Variants in VMP1 observed in about 807,000 individuals in gnomAD.
VMP1 encodes the protein vacuole membrane protein 1, also known as ectopic P-granules autophagy protein 3 homolog.
In VMP1, 11 loss-of-function variants were observed where a neutral mutation model predicts 56.0. That is an observed-to-expected ratio of 0.20 (90% CI 0.12 to 0.32). The LOEUF is 0.32. Ranked by LOEUF, VMP1 falls within the 10% of genes least tolerant of loss-of-function variation. The probability of loss-of-function intolerance (pLI) is 1.00; values close to 1 mark genes in which losing one functional copy is unlikely to be tolerated. For synonymous variants in VMP1, 149 were observed against 165.0 expected, an observed-to-expected ratio of 0.90 and a Z score of 0.74; for missense variants, 296 against 490.3, an observed-to-expected ratio of 0.60 and a Z score of 3.74.
chr17:59,719,092 A>G (rs1482502746), intron 1 of VMP1, among the ~76,000 whole-genome samples: 1 of 152,204 alleles, frequency 6.6e-6, no homozygotes, highest in Non-Finnish European at 1.5e-5. Context: ...TTGTCAAGAT[A>G]TATTACTCAG....
At chr17:59,827,810 T>C (rs1031608515) in intron 10 of VMP1, among the ~76,000 whole-genome samples, 18 of 151,982 alleles carry the variant, frequency 1.2e-4, no homozygotes, top group Admixed American at 6.6e-4. Context: ...AATTAGCTAC[T>C]GTGGCCCCAG....
At chr17:59,758,364 T>C (rs1051952106) in intron 5 of VMP1, among the ~76,000 whole-genome samples, 1 of 152,208 alleles carries the variant, frequency 6.6e-6, no homozygotes, top group African/African-American at 2.4e-5. Context: ...AGTTGTTCTA[T>C]CAATTAATGA....
intron 7 of VMP1, among the ~76,000 whole-genome samples, chr17:59,806,715 CAAAAA>C (rs5821281): frequency 8.3e-6 from 1 of 120,780 alleles, no homozygotes; most frequent in Non-Finnish European, 1.7e-5. Context: ...AAGTTTGTCT[CAAAAA>C]AAAAAAAAAA....
chr17:59,709,216 C>T (rs1465080263), intron 1 of VMP1, among the ~76,000 whole-genome samples: 1 of 152,152 alleles, frequency 6.6e-6, no homozygotes, highest in African/African-American at 2.4e-5. Flanking sequence ...GTTTAACATT[C>T]GGTAAATTTG....
Position 59,749,719 on chromosome 17 carries a change from C to T in VMP1, c.414+10772C>T, listed in dbSNP as rs955466835. 2.6e-5 allele frequency among the ~76,000 whole-genome samples: 4 copies of T among 152,066 alleles called. No individual in the cohort carries two copies. The East Asian group carries it at 5.8e-4, about 22-fold the overall frequency. On this transcript the variant is annotated intron_variant, in intron 5 of 11. Coordinates refer to ENST00000262291, the MANE Select transcript of VMP1 (RefSeq NM_030938.5). The stretch of plus-strand genomic sequence containing the variant: ...AGAGACGGGGTTTCACCATGTTGGC[C>T]AGGCTGGTCTCGAATTCTGACCTCA...
chr17:59,748,212 A>C (rs968453751), intron 5 of VMP1, among the ~76,000 whole-genome samples: 10 of 151,222 alleles, frequency 6.6e-5, no homozygotes, highest in African/African-American at 2.2e-4. Context: ...AAAAAAAAAA[A>C]AAAAACCTTT....
In VMP1 at chr17:59,838,301, C is replaced by A. The variant is rs371609859; in HGVS notation, c.981C>A (p.Val327=). The A allele has an allele frequency of 8.7e-6, 14 of 1,613,712 alleles. No homozygotes were observed. The Admixed American group carries it at 2.2e-4, about 25-fold the overall frequency. The change falls in exon 11 of 12, where the codon GTC becomes GTA. Residue 327 remains valine (V), a synonymous_variant. Transcript: ENST00000262291. ...TACTGTACCCTGCTTCCAGTGCTGT[C>A]CCCGGCATAGGTCCATCTCTGCAGA... ...VEQMVAFIGA[V]PGIGPSLQKP...
intron 1 of VMP1, among the ~76,000 whole-genome samples, chr17:59,718,303 TCTC>T (rs1349965356): frequency 1.3e-5 from 2 of 148,194 alleles, no homozygotes; most frequent in African/African-American, 2.5e-5. Context: ...TTCACGCCAT[TCTC>T]CTGCCTCAGC....
At chr17:59,766,941 G>T (rs537757482) in intron 6 of VMP1, among the ~76,000 whole-genome samples, 1 of 151,952 alleles carries the variant, frequency 6.6e-6, no homozygotes, top group East Asian at 1.9e-4. Flanking sequence ...CACCACGCTC[G>T]GCTGATTTTT....
chr17:59,765,632 AATT>A (rs1271013285), intron 6 of VMP1, among the ~76,000 whole-genome samples: 2 of 152,220 alleles, frequency 1.3e-5, no homozygotes, highest in African/African-American at 4.8e-5. Flanking sequence ...ATTTATTATT[AATT>A]AAGTGGAAAC....
intron 6 of VMP1, among the ~76,000 whole-genome samples, chr17:59,766,375 A>G (rs2036232001): frequency 6.6e-6 from 1 of 152,052 alleles, no homozygotes; most frequent in African/African-American, 2.4e-5. Flanking sequence ...GTGGTGGCGC[A>G]TACCTGTCAT....
At chr17:59,717,080 C>T (rs1308153120) in intron 1 of VMP1, among the ~76,000 whole-genome samples, 2 of 151,916 alleles carry the variant, frequency 1.3e-5, no homozygotes, top group Admixed American at 6.6e-5. Context: ...CCCGGGTTCA[C>T]GCCATTCTCC....
chr17:59,788,675 CGG>C (rs1469439803), intron 7 of VMP1, among the ~76,000 whole-genome samples: 1 of 151,030 alleles, frequency 6.6e-6, no homozygotes, highest in Non-Finnish European at 1.5e-5. Context: ...GGTGTGCTGG[CGG>C]GTGCTTCTAG....
chr17:59,720,775 A>G (rs569970158), intron 1 of VMP1, among the ~76,000 whole-genome samples: 2 of 151,674 alleles, frequency 1.3e-5, no homozygotes, highest in African/African-American at 2.4e-5. Context: ...GGAGTTCCAG[A>G]CCACCCTGAC....
rs966653192 is a variant in VMP1, at chr17:59,789,943, G to A, written c.714+16058G>A. Among the ~76,000 whole-genome samples the A allele has an allele frequency of 4.2e-4, 60 of 142,092 alleles. 2 individuals carry two copies. The highest frequency in any genetic ancestry group is 2.4e-4 in the South Asian group (1 of 4,122). The allele number at this position is 142,092 out of a possible 152,430, so 93.2% of individuals were successfully genotyped here. ...CAACCTCCACCTCCCGGGTTCAAGC[G>A]ATTCTCCTGCCCCAGCCTCCCAAGT... On this transcript the variant is annotated intron_variant, in intron 7 of 11. Transcript: ENST00000262291.
At chr17:59,808,725 A>C in intron 7 of VMP1, 71 bp from the exon 8 acceptor site, 1 of 1,274,718 alleles carries the variant, frequency 7.8e-7, no homozygotes, top group Non-Finnish European at 1.1e-6. Context: ...ATCTTTAATA[A>C]ACTCTAGAAA....
At chr17:59,735,289 G>A in intron 2 of VMP1, 49 bp from the exon 3 acceptor site, 1 of 1,596,990 alleles carries the variant, frequency 6.3e-7, no homozygotes, top group South Asian at 1.1e-5. Context: ...AAGAGAATAA[G>A]CATAAATGTT....
intron 10 of VMP1, among the ~76,000 whole-genome samples, chr17:59,832,315 A>G (rs2038835741): frequency 6.7e-6 from 1 of 149,052 alleles, no homozygotes; most frequent in Non-Finnish European, 1.5e-5. Context: ...GGCACGTGCC[A>G]TCACACCTGG....
In VMP1 at chr17:59,839,904, C is replaced by T; in HGVS notation, c.1214C>T (p.Thr405Ile). 1 of 1,610,148 alleles carries T rather than the reference C, an allele frequency of 6.2e-7. No homozygotes were observed. The highest frequency in any genetic ancestry group is 8.5e-7 in the Non-Finnish European group (1 of 1,179,238). ...IQQRLNSEEK[T>I]K is the part of the protein sequence containing the mutation. ...CAGCGGTTGAACTCAGAGGAGAAAA[C>T]TAAATAAGTAGAGAAAGTTTTAAAC... The change falls in exon 12 of 12, where the codon ACT (threonine) becomes ATT (isoleucine). Residue 405 changes from threonine (T) to isoleucine (I), a missense_variant. By Grantham distance (89) the Thr-to-Ile change is moderately conservative. Around this residue, in one of 4 missense-constraint regions of VMP1, gnomAD observed 95 missense variants for 137.6 expected, o/e 0.69. Coordinates refer to ENST00000262291, the MANE Select transcript of VMP1 (RefSeq NM_030938.5).
Sources: allele counts gnomAD v4.1 joint callset (sites outside exome capture counted in the v4.1 genomes callset), GRCh38; gene constraint gnomAD v4.1.1; regional missense constraint gnomAD v4.1.1; transcripts MANE v1.5; gene names NCBI Gene and HGNC (gene_info 2026-07-23, HGNC 2026-07-21).